The following WDFY3 variants were observed in gnomAD, a reference collection of about 807,000 sequenced individuals.
WDFY3 encodes WD repeat and FYVE domain-containing protein 3.
A neutral mutation model predicts 409.6 loss-of-function variants in WDFY3; 66 were observed. The observed-to-expected ratio is 0.16, with a 90% CI of 0.13 to 0.20. The LOEUF is 0.20. Among genes scored for constraint, WDFY3 ranks in the 10% least tolerant of loss-of-function variants. The pLI is 1.00. For synonymous variants in WDFY3, 1,521 were observed against 1,537.1 expected (o/e 0.99, Z 0.25); for missense variants, 3,031 against 4,298.1 (o/e 0.71, Z 8.24).
chr4:84,908,814 T>A (rs1767385553), intron 2 of WDFY3, among the ~76,000 whole-genome samples: 1 of 152,118 alleles, frequency 6.6e-6, no homozygotes, highest in Non-Finnish European at 1.5e-5. Flanking sequence ...GTTCTAAGGT[T>A]GAAACTCTTC....
Position 84,860,640 on chromosome 4 carries a change from T to C in WDFY3, c.-31-18A>G, listed in dbSNP as rs201654757. On this transcript the variant is annotated intron_variant, in intron 3 of 67. Transcript: ENST00000295888. ...TTCTAATTCTGTAGGAAAATGTCAA[T>C]ACATGAACAGTCAAAACATCATCAT... 35 of 1,528,148 alleles carry C rather than the reference T, an allele frequency of 2.3e-5. No individual in the cohort carries two copies. In the East Asian group the frequency reaches 5.6e-4, roughly 24 times the overall value. 94.7% of individuals were successfully genotyped at this position (1,528,148 alleles called of 1,614,324 possible).
In WDFY3 at chr4:84,850,928, G is replaced by GTTTTTTTTTTTTT. The variant is rs869074191; in HGVS notation, c.181-916_181-904dup. 5.4e-4 allele frequency among the ~76,000 whole-genome samples: 25 copies of GTTTTTTTTTTTTT among 46,228 alleles called. 1 individual carries two copies. The highest frequency in any genetic ancestry group is 7.0e-4 in the Non-Finnish European group (18 of 25,862). 30.3% of individuals were successfully genotyped at this position (46,228 alleles called of 152,430 possible). A position where few individuals can be genotyped will look rare whatever the true frequency, so the allele number is the denominator to read the frequency against. On this transcript the variant is annotated intron_variant, in intron 4 of 67. Transcript: ENST00000295888. ...TTCTTATTTTTAATTTTATTTATCT[G>GTTTTTTTTTTTTT]TTTTTTTTTTTTTTTTTTTTTTTTT...
At position 84,789,717 on chromosome 4, in the gene WDFY3, T is replaced by C; in HGVS notation, c.3669+9A>G. 6.2e-7 allele frequency: 1 copy of C among 1,609,280 alleles called. No individual in the cohort carries two copies. Among genetic ancestry groups the C allele is most frequent in the Non-Finnish European group, 8.5e-7 (1 of 1,177,728 alleles). On this transcript the variant is annotated intron_variant, in intron 22 of 67. Transcript: ENST00000295888. Reference sequence around the variant, plus strand: ...AAACAGGTAGATTTACAAGTGCACATACACTTACCTTTACAGTGTTAACAA... The same window carrying C: ...AAACAGGTAGATTTACAAGTGCACACACACTTACCTTTACAGTGTTAACAA...
chr4:84,777,928 T>C (rs1273785243), intron 27 of WDFY3, among the ~76,000 whole-genome samples: 1 of 151,766 alleles, frequency 6.6e-6, no homozygotes, highest in Non-Finnish European at 1.5e-5. Context: ...GAGAACAGAG[T>C]GTAAGCTGTT....
At chr4:84,873,763 GTTTT>G (rs1417876819) in intron 3 of WDFY3, among the ~76,000 whole-genome samples, 1 of 151,192 alleles carries the variant, frequency 6.6e-6, no homozygotes, top group Non-Finnish European at 1.5e-5. Context: ...TGTCTTGTTC[GTTTT>G]TTTGTGTTTT....
At chr4:84,864,064 T>G (rs1761034568) in intron 3 of WDFY3, among the ~76,000 whole-genome samples, 1 of 152,094 alleles carries the variant, frequency 6.6e-6, no homozygotes, top group African/African-American at 2.4e-5. Context: ...TTTTTCTATT[T>G]CTGTAAAGAA....
chr4:84,930,654 G>C (rs1005622105), intron 2 of WDFY3, among the ~76,000 whole-genome samples: 4 of 151,998 alleles, frequency 2.6e-5, no homozygotes, highest in Non-Finnish European at 4.4e-5. Flanking sequence ...AATGAAAAAA[G>C]TTTCCTTTCT....
In WDFY3 at chr4:84,670,071, G is replaced by A. The variant is rs554417149; in HGVS notation, c.*2797C>T. The A allele has an allele frequency of 1.3e-5, 2 of 152,674 alleles. No individual in the cohort carries two copies. Among genetic ancestry groups the A allele is most frequent in the Non-Finnish European group, 2.9e-5 (2 of 68,012 alleles). 9.5% of individuals were successfully genotyped at this position (152,674 alleles called of 1,614,324 possible). On this transcript the variant is annotated 3_prime_UTR_variant, in exon 68 of 68. Coordinates refer to ENST00000295888, the MANE Select transcript of WDFY3 (RefSeq NM_014991.6). ...AAGTTTCTACCAACTTTATACATAA[G>A]AAAGTGCAAAATAACTTATCTAGAG...
chr4:84,808,373 A>C lies in WDFY3; in HGVS notation c.2390T>G (p.Leu797Arg). ...AGCTGGTGTACCCCAAGGAGAGGGG[A>C]GAGAAGACTCACTTGTCAGGCAAGG... ...IPPCLTSESSLPSPWGTPALS... is the reference protein window; with the variant it reads ...IPPCLTSESSRPSPWGTPALS... The change falls in exon 15 of 68, where the codon CTC (leucine) becomes CGC (arginine). Residue 797 changes from leucine (L) to arginine (R), a missense_variant. Leu to Arg is a moderately radical substitution (Grantham distance 102, BLOSUM62 -2). Transcript: ENST00000295888. The C allele has an allele frequency of 6.2e-7, 1 of 1,613,932 alleles. No homozygotes were observed. Among genetic ancestry groups the C allele is most frequent in the South Asian group, 1.1e-5 (1 of 91,072 alleles).
intron 4 of WDFY3, among the ~76,000 whole-genome samples, chr4:84,853,723 T>C (rs1005529968): frequency 6.6e-6 from 1 of 152,222 alleles, no homozygotes; most frequent in South Asian, 2.1e-4. Context: ...TGATGTTTAC[T>C]GCTTTATTTC....
rs1725558882 is a variant in WDFY3 at position 84,672,398 on chromosome 4, C to G, written c.*470G>C. On this transcript the variant is annotated 3_prime_UTR_variant, in exon 68 of 68. Coordinates refer to ENST00000295888, the MANE Select transcript of WDFY3 (RefSeq NM_014991.6). ...TGGTTTAGTTTGAAGTTTCATGTTA[C>G]AGGCAGTTAAGTCCTTATTTAGAAA... 1 of 152,382 alleles carries G rather than the reference C, an allele frequency of 6.6e-6. No homozygotes were observed. The allele number at this position is 152,382 out of a possible 1,614,324, so 9.4% of individuals were successfully genotyped here. A position where few individuals can be genotyped will look rare whatever the true frequency, so the allele number is the denominator to read the frequency against.
At chr4:84,793,538 C>A (rs543246468) in intron 21 of WDFY3, among the ~76,000 whole-genome samples, 24 of 152,284 alleles carry the variant, frequency 1.6e-4, no homozygotes, top group African/African-American at 5.3e-4. Context: ...AGGTGAAACA[C>A]TGGAGAATAC....
intron 3 of WDFY3, among the ~76,000 whole-genome samples, chr4:84,895,203 G>T (rs571092169): frequency 6.6e-6 from 1 of 152,286 alleles, no homozygotes; most frequent in Non-Finnish European, 1.5e-5. Flanking sequence ...TACTCTGCTA[G>T]TAACTAGTGA....
chr4:84,918,377 T>C (rs898016524), intron 2 of WDFY3, among the ~76,000 whole-genome samples: 2 of 152,148 alleles, frequency 1.3e-5, no homozygotes, highest in African/African-American at 4.8e-5. Flanking sequence ...TGAACTGATA[T>C]GGAATAATTT....
chr4:84,821,518 A>G lies in WDFY3; in HGVS notation c.1157T>C (p.Val386Ala), dbSNP rs770384048. 5 of 1,613,694 alleles carry G rather than the reference A, an allele frequency of 3.1e-6. No individual in the cohort carries two copies. The highest frequency in any genetic ancestry group is 4.2e-6 in the Non-Finnish European group (5 of 1,179,742). ...HSVRNVQAFA[V>A]LQNAFLKAKT... ...TGCTTTTAAAAATGCATTCTGAAGAACTGCAAAGGCCTGGACGTTTCTCAC... is the reference window on the plus strand; with the variant it reads ...TGCTTTTAAAAATGCATTCTGAAGAGCTGCAAAGGCCTGGACGTTTCTCAC... The change falls in exon 11 of 68, where the codon GTT (valine) becomes GCT (alanine). Residue 386 changes from valine (V) to alanine (A), a missense_variant. This residue lies in a region of WDFY3 where 1,322 missense variants were observed against 1,697.9 expected (regional missense o/e 0.78). Transcript: ENST00000295888.
chr4:84,680,854 A>T (rs534178707), intron 64 of WDFY3, among the ~76,000 whole-genome samples: 1 of 152,234 alleles, frequency 6.6e-6, no homozygotes, highest in African/African-American at 2.4e-5. Flanking sequence ...ACACCATTTT[A>T]TATCAGGGAC....
At chr4:84,839,524 C>T (rs1270215244) in intron 6 of WDFY3, among the ~76,000 whole-genome samples, 1 of 150,890 alleles carries the variant, frequency 6.6e-6, no homozygotes, top group Non-Finnish European at 1.5e-5. Flanking sequence ...ATCCCAGGAA[C>T]ACCAGGACAG....
intron 3 of WDFY3, among the ~76,000 whole-genome samples, chr4:84,877,038 T>C (rs1232372014): frequency 2.0e-5 from 3 of 152,312 alleles, no homozygotes; most frequent in African/African-American, 7.2e-5. Flanking sequence ...CTTTAACATA[T>C]AGCTAAGTAT....
chr4:84,677,643 T>C (rs1293546056), intron 66 of WDFY3, among the ~76,000 whole-genome samples: 1 of 151,786 alleles, frequency 6.6e-6, no homozygotes, highest in Admixed American at 6.6e-5. Context: ...GAAAAAGCAG[T>C]TTTTCACTTT....
Sources: allele counts gnomAD v4.1 joint callset (sites outside exome capture counted in the v4.1 genomes callset), GRCh38; gene constraint gnomAD v4.1.1; regional missense constraint gnomAD v4.1.1; transcripts MANE v1.5; gene names NCBI Gene and HGNC (gene_info 2026-07-23, HGNC 2026-07-21).